Variants in TAFA1 observed in about 807,000 individuals in gnomAD.
The protein encoded by TAFA1 is chemokine-like protein TAFA-1.
A neutral mutation model predicts 18.5 loss-of-function variants in TAFA1; 4 were observed. That is an observed-to-expected ratio of 0.22 (90% CI 0.11 to 0.49). The LOEUF (loss-of-function observed/expected upper bound fraction) is 0.49. TAFA1 is among the 20% of genes least tolerant of loss of function. The probability of loss-of-function intolerance (pLI) is 0.98; values close to 1 mark genes in which losing one functional copy is unlikely to be tolerated. For missense variants in TAFA1, 147 were observed against 169.0 expected, an observed-to-expected ratio of 0.87 and a Z score of 0.72; for synonymous variants, 56 against 55.2, an observed-to-expected ratio of 1.01 and a Z score of -0.06.
chr3:68,051,273 C>T (rs2106703041), intron 2 of TAFA1, among the ~76,000 whole-genome samples: 1 of 152,122 alleles, frequency 6.6e-6, no homozygotes, highest in Non-Finnish European at 1.5e-5. Context: ...TGCTTTCTTC[C>T]TGGCAGAACT....
chr3:68,166,257 G>A (rs1490249838), intron 2 of TAFA1, among the ~76,000 whole-genome samples: 2 of 152,156 alleles, frequency 1.3e-5, no homozygotes, highest in Admixed American at 1.3e-4. Flanking sequence ...ATCGTAGTGG[G>A]CCTTAAACCC....
intron 2 of TAFA1, among the ~76,000 whole-genome samples, chr3:68,140,548 C>T (rs1445727493): frequency 6.6e-6 from 1 of 152,188 alleles, no homozygotes; most frequent in Non-Finnish European, 1.5e-5. Context: ...AGTGCCTACC[C>T]TGCATGAGTC....
At chr3:68,114,982 G>T (rs889691572) in intron 2 of TAFA1, among the ~76,000 whole-genome samples, 2 of 151,944 alleles carry the variant, frequency 1.3e-5, no homozygotes, top group Non-Finnish European at 2.9e-5. Context: ...AAATAAACAA[G>T]GCAAGTAAGG....
upstream of TAFA1, among the ~76,000 whole-genome samples, chr3:68,000,731 T>C (rs1163203772): frequency 2.0e-5 from 3 of 152,284 alleles, no homozygotes; most frequent in Middle Eastern, 3.4e-3. Flanking sequence ...GTATACTTGC[T>C]ATAGTTCAGG....
At chr3:68,280,535 A>G (rs1482034697) in intron 2 of TAFA1, among the ~76,000 whole-genome samples, 1 of 152,180 alleles carries the variant, frequency 6.6e-6, no homozygotes. Flanking sequence ...GAAGCATGGT[A>G]TAAACCAGCG....
intron 2 of TAFA1, among the ~76,000 whole-genome samples, chr3:68,376,227 T>G (rs1364991983): frequency 2.0e-5 from 3 of 152,154 alleles, no homozygotes; most frequent in Non-Finnish European, 4.4e-5. Flanking sequence ...AATCGAGTTA[T>G]TTGGAATTCT....
At chr3:68,128,145 A>G (rs1309344556) in intron 2 of TAFA1, among the ~76,000 whole-genome samples, 2 of 152,156 alleles carry the variant, frequency 1.3e-5, no homozygotes, top group African/African-American at 4.8e-5. Flanking sequence ...TAGGGGTCAC[A>G]CCATTAATGA....
At chr3:68,228,153 A>G (rs1249016028) in intron 2 of TAFA1, among the ~76,000 whole-genome samples, 2 of 152,232 alleles carry the variant, frequency 1.3e-5, no homozygotes, top group African/African-American at 4.8e-5. Flanking sequence ...TGAAGAGTAA[A>G]CAAGATAATG....
intron 2 of TAFA1, among the ~76,000 whole-genome samples, chr3:68,399,659 T>TA (rs1441545867): frequency 1.3e-5 from 2 of 152,040 alleles, no homozygotes; most frequent in Non-Finnish European, 2.9e-5. Flanking sequence ...ATAATAGTAA[T>TA]AAAAACGACT....
At chr3:68,059,992 A>G (rs1309367646) in intron 2 of TAFA1, among the ~76,000 whole-genome samples, 3 of 152,008 alleles carry the variant, frequency 2.0e-5, no homozygotes, top group African/African-American at 7.2e-5. Context: ...AGCACACGGC[A>G]TTCTTTAGGC....
rs78684990 is a variant in TAFA1 at position 68,138,780 on chromosome 3, C to T, written c.118+132036C>T. On this transcript the variant is annotated intron_variant, in intron 2 of 4. Transcript: ENST00000478136. ...AGCACATGGTGTGTATTCAGTAATA[C>T]TGGAAGTTGCCCTTGCTGTTTGCTA... Among the ~76,000 whole-genome samples, 19 of 152,292 alleles carry T rather than the reference C, an allele frequency of 1.2e-4. No individual in the cohort carries two copies. In the East Asian group the frequency reaches 3.7e-3, roughly 29 times the overall value.
chr3:68,498,678 G>C (rs1489470778), intron 3 of TAFA1, among the ~76,000 whole-genome samples: 1 of 144,936 alleles, frequency 6.9e-6, no homozygotes, highest in Non-Finnish European at 1.5e-5. Flanking sequence ...ATTAGAAGAA[G>C]GCTATTTGGG....
chr3:68,016,745 A>AT lies in TAFA1; in HGVS notation c.118+10002dup, dbSNP rs1224482741. On this transcript the variant is annotated intron_variant, in intron 2 of 4. Transcript: ENST00000478136. ...TATCTTAAAATTTGCTTGTATGGTG[A>AT]TGTATGGTGACATTGTTGGTGACAT... Among the ~76,000 whole-genome samples the AT allele has an allele frequency of 2.0e-5, 3 of 152,240 alleles. No individual in the cohort carries two copies. The East Asian group carries it at 5.8e-4, about 29-fold the overall frequency.
At chr3:68,044,847 G>A (rs1240387335) in intron 2 of TAFA1, among the ~76,000 whole-genome samples, 1 of 152,158 alleles carries the variant, frequency 6.6e-6, no homozygotes, top group Non-Finnish European at 1.5e-5. Flanking sequence ...AATGTTGTGA[G>A]GATTGGACAT....
chr3:68,110,118 T>G (rs1423104235), intron 2 of TAFA1, among the ~76,000 whole-genome samples: 2 of 152,154 alleles, frequency 1.3e-5, no homozygotes, highest in Non-Finnish European at 2.9e-5. Context: ...TTCTTTGTGA[T>G]GATCTCCCCC....
chr3:68,486,528 C>T (rs2072343339), intron 3 of TAFA1, among the ~76,000 whole-genome samples: 1 of 152,106 alleles, frequency 6.6e-6, no homozygotes, highest in Non-Finnish European at 1.5e-5. Context: ...CAGTTGCTAG[C>T]ACTGTGATTT....
chr3:68,215,722 G>T (rs566164152), intron 2 of TAFA1, among the ~76,000 whole-genome samples: 1 of 152,108 alleles, frequency 6.6e-6, no homozygotes, highest in African/African-American at 2.4e-5. Context: ...AATAAAGAAT[G>T]GTATAGCTAC....
At chr3:68,240,293 C>T (rs1267294984) in intron 2 of TAFA1, among the ~76,000 whole-genome samples, 1 of 152,134 alleles carries the variant, frequency 6.6e-6, no homozygotes, top group Non-Finnish European at 1.5e-5. Flanking sequence ...GCATGTGTAA[C>T]TAAGAATGTA....
intron 2 of TAFA1, among the ~76,000 whole-genome samples, chr3:68,326,011 A>G (rs762708226): frequency 4.6e-5 from 7 of 152,136 alleles, no homozygotes; most frequent in Non-Finnish European, 8.8e-5. Flanking sequence ...ACACTTTTTG[A>G]TCTTAGCTAT....
Sources: allele counts gnomAD v4.1 joint callset (sites outside exome capture counted in the v4.1 genomes callset), GRCh38; gene constraint gnomAD v4.1.1; transcripts MANE v1.5; gene names NCBI Gene and HGNC (gene_info 2026-07-23, HGNC 2026-07-21).